Variants in SMAP1 observed in about 807,000 individuals in gnomAD.
SMAP1 encodes stromal membrane-associated protein 1.
In SMAP1, 24 loss-of-function variants were observed where a neutral mutation model predicts 58.5. That is an observed-to-expected ratio of 0.41 (90% CI 0.30 to 0.58). The LOEUF (loss-of-function observed/expected upper bound fraction) is 0.58. SMAP1 is among the 20% of genes least tolerant of loss of function. The pLI, the probability that SMAP1 is intolerant of heterozygous loss-of-function variation, is 0.29. For synonymous variants in SMAP1, 216 were observed against 196.6 expected (o/e 1.10, Z -0.82); for missense variants, 563 against 566.3 (o/e 0.99, Z 0.06).
chr6:70,852,510 C>A, intron 7 of SMAP1, 30 bp from the exon 8 acceptor site: 1 of 1,472,284 alleles, frequency 6.8e-7, no homozygotes, highest in Non-Finnish European at 9.0e-7. Context: ...AGATATTCTA[C>A]GTTAAGACGA....
At position 70,785,120 on chromosome 6, in the gene SMAP1, A is replaced by G. The variant is rs1767950648; in HGVS notation, c.415-6569A>G. Among the ~76,000 whole-genome samples, 3 of 152,264 alleles carry G rather than the reference A, an allele frequency of 2.0e-5. No individual in the cohort carries two copies. In the South Asian group the frequency reaches 6.2e-4, roughly 31 times the overall value. On this transcript the variant is annotated intron_variant, in intron 4 of 10. Transcript: ENST00000370455. Reference sequence around the variant, plus strand: ...CAAACTGTCTCTCAGACCACAGTGCAATCAAACTAGAACTCAGGATTAAGA... The same window carrying G: ...CAAACTGTCTCTCAGACCACAGTGCGATCAAACTAGAACTCAGGATTAAGA...
intron 4 of SMAP1, among the ~76,000 whole-genome samples, chr6:70,773,681 C>G (rs1206752637): frequency 1.3e-5 from 2 of 152,080 alleles, no homozygotes; most frequent in Admixed American, 6.6e-5. Context: ...TGCAAAAAAG[C>G]TAGAACCACT....
At chr6:70,854,816 T>C (rs1009556679) in intron 8 of SMAP1, among the ~76,000 whole-genome samples, 1 of 152,154 alleles carries the variant, frequency 6.6e-6, no homozygotes, top group Non-Finnish European at 1.5e-5. Flanking sequence ...CTGTATTCTT[T>C]CACTCCTTGT....
intron 6 of SMAP1, among the ~76,000 whole-genome samples, chr6:70,823,460 C>T (rs1362218802): frequency 6.6e-6 from 1 of 152,114 alleles, no homozygotes; most frequent in Non-Finnish European, 1.5e-5. Context: ...AGGTCAGGCT[C>T]TGGTAAAATA....
intron 1 of SMAP1, among the ~76,000 whole-genome samples, chr6:70,728,685 T>A (rs1765288028): frequency 6.6e-6 from 1 of 152,234 alleles, no homozygotes; most frequent in African/African-American, 2.4e-5. Context: ...TGTCACATGC[T>A]GTTATGAGTG....
intron 6 of SMAP1, among the ~76,000 whole-genome samples, chr6:70,801,000 T>C (rs977681669): frequency 6.6e-6 from 1 of 152,166 alleles, no homozygotes; most frequent in Non-Finnish European, 1.5e-5. Flanking sequence ...GTCTTTATAG[T>C]AGCATGATTT....
In SMAP1 at chr6:70,783,033, C is replaced by G. The variant is rs775115395; in HGVS notation, c.415-8656C>G. Among the ~76,000 whole-genome samples, 3 of 152,176 alleles carry G rather than the reference C, an allele frequency of 2.0e-5. No individual in the cohort carries two copies. In the South Asian group the frequency reaches 6.2e-4, roughly 31 times the overall value. On this transcript the variant is annotated intron_variant, in intron 4 of 10. Coordinates refer to ENST00000370455, the MANE Select transcript of SMAP1 (RefSeq NM_001044305.3). ...CGAGCAGCCTAACTGGGAGGCATCC[C>G]CTAGTAGGGGCAGACTGACACCTCA... is the stretch of plus-strand genomic sequence containing the variant.
chr6:70,820,405 A>G (rs1769833593), intron 6 of SMAP1, among the ~76,000 whole-genome samples: 1 of 152,196 alleles, frequency 6.6e-6, no homozygotes, highest in African/African-American at 2.4e-5. Context: ...AGACTAGAGA[A>G]ATATTATGAA....
In SMAP1 at chr6:70,791,726, C is replaced by T; in HGVS notation, c.452C>T (p.Ser151Phe). The T allele has an allele frequency of 6.2e-7, 1 of 1,613,390 alleles. No individual in the cohort carries two copies. The highest frequency in any genetic ancestry group is 2.2e-5 in the East Asian group (1 of 44,810). Residue 151 changes from serine (S) to phenylalanine (F), a missense_variant, in exon 5 of 11, where the codon TCC (serine) becomes TTC (phenylalanine). Transcript: ENST00000370455. ...GATGCTCCTCTTCAGCCTTTGGTATCCTCTCCTTCTCTGCAAGCTGCTGTT... is the reference window on the plus strand; with the variant it reads ...GATGCTCCTCTTCAGCCTTTGGTATTCTCTCCTTCTCTGCAAGCTGCTGTT... ...SSDAPLQPLV[S>F]SPSLQAAVDK... is the part of the protein sequence containing the mutation.
Position 70,858,106 on chromosome 6 carries a change from T to C in SMAP1, c.1146T>C (p.Thr382=), listed in dbSNP as rs767098838. 1.2e-6 allele frequency: 2 copies of C among 1,613,922 alleles called. No individual in the cohort carries two copies. The highest frequency in any genetic ancestry group is 3.3e-5 in the Admixed American group (2 of 59,986). ...ATGGGTTTATGGGAAATGCACAAAC[T>C]GGTGTGATGCCACTTCCTCAGAACG... ...MPNGFMGNAQ[T]GVMPLPQNVV... is the part of the protein sequence containing the mutation. Residue 382 remains threonine (T), a synonymous_variant, in exon 10 of 11, where the codon ACT becomes ACC. Transcript: ENST00000370455.
chr6:70,807,799 G>C (rs746434445), intron 6 of SMAP1, among the ~76,000 whole-genome samples: 66 of 152,142 alleles, frequency 4.3e-4, no homozygotes, highest in Non-Finnish European at 8.1e-4. Context: ...GGTGACACTA[G>C]AACAGTGCTG....
intron 1 of SMAP1, among the ~76,000 whole-genome samples, chr6:70,717,890 A>T (rs766932293): frequency 8.5e-5 from 13 of 152,202 alleles, no homozygotes; most frequent in Non-Finnish European, 1.9e-4. Flanking sequence ...AAAATAATAT[A>T]TTGAATTTCA....
intron 5 of SMAP1, among the ~76,000 whole-genome samples, chr6:70,798,084 C>G (rs1768683997): frequency 6.6e-6 from 1 of 152,036 alleles, no homozygotes; most frequent in African/African-American, 2.4e-5. Context: ...GGTCCCCAAG[C>G]ACTATCTTGA....
In SMAP1 at chr6:70,729,324, A is replaced by C. The variant is rs905030818; in HGVS notation, c.119-3054A>C. Among the ~76,000 whole-genome samples, 6 of 151,970 alleles carry C rather than the reference A, an allele frequency of 3.9e-5. No individual in the cohort carries two copies. In the South Asian group the frequency reaches 1.2e-3, roughly 32 times the overall value. ...CGAAGTGGCGGGCGCCTGTAGTCCC[A>C]GCTACTCAGGAGGCTGAGGCAGGAG... On this transcript the variant is annotated intron_variant, in intron 1 of 10. Coordinates refer to ENST00000370455, the MANE Select transcript of SMAP1 (RefSeq NM_001044305.3).
chr6:70,768,631 T>C (rs1767115925), intron 3 of SMAP1, among the ~76,000 whole-genome samples: 1 of 152,208 alleles, frequency 6.6e-6, no homozygotes, highest in Non-Finnish European at 1.5e-5. Context: ...TCTATTTGAT[T>C]CTTCTCTCTT....
intron 1 of SMAP1, among the ~76,000 whole-genome samples, chr6:70,712,721 C>T (rs1049493568): frequency 3.3e-5 from 5 of 151,208 alleles, no homozygotes; most frequent in African/African-American, 1.2e-4. Context: ...AATTTATTGG[C>T]ACCTAGTTGT....
chr6:70,716,524 G>A, intron 1 of SMAP1, among the ~76,000 whole-genome samples: 1 of 152,090 alleles, frequency 6.6e-6, no homozygotes, highest in East Asian at 1.9e-4. Context: ...CTTGGGGGTT[G>A]GAGGCTCCTG....
intron 3 of SMAP1, among the ~76,000 whole-genome samples, chr6:70,755,574 T>A (rs6919104): frequency 0.14 from 21,381 of 151,958 alleles, 2,834 homozygotes; most frequent in East Asian, 0.54. Context: ...TTTGGTAGAT[T>A]AGGTGTATTA....
At chr6:70,727,607 A>T (rs146322427) in intron 1 of SMAP1, among the ~76,000 whole-genome samples, 80 of 152,352 alleles carry the variant, frequency 5.3e-4, no homozygotes, top group Middle Eastern at 3.4e-3. Context: ...GGTCAAAATA[A>T]ACACATAATA....
Sources: allele counts gnomAD v4.1 joint callset (sites outside exome capture counted in the v4.1 genomes callset), GRCh38; gene constraint gnomAD v4.1.1; transcripts MANE v1.5; gene names NCBI Gene and HGNC (gene_info 2026-07-23, HGNC 2026-07-21).